FGL1: variants seen among roughly 807,000 people sequenced by gnomAD.
The protein encoded by FGL1 is fibrinogen-like protein 1.
FGL1 carries 59 observed loss-of-function variants against 43.7 expected under a neutral mutation model. The ratio of observed to expected loss-of-function variants is 1.35; its 90% confidence interval spans 1.10 to 1.68. FGL1 has a LOEUF of 1.68. Among genes scored for constraint, FGL1 ranks in the 40% most tolerant of loss-of-function variants. FGL1 has a pLI of 0.00. For synonymous variants in FGL1, 192 were observed against 126.5 expected (o/e 1.52, Z -3.48); for missense variants, 596 against 373.0 (o/e 1.60, Z -4.92).
chr8:17,885,294 C>A (rs902988500), intron 2 of FGL1, among the ~76,000 whole-genome samples, 198 bp downstream of exon 2: 1 of 152,076 alleles, frequency 6.6e-6, no homozygotes, highest in Non-Finnish European at 1.5e-5. Flanking sequence ...CCACCCATCT[C>A]GGCCTCCCCT....
intron 1 of FGL1, among the ~76,000 whole-genome samples, chr8:17,893,100 T>C (rs1193292047): frequency 6.6e-6 from 1 of 152,122 alleles, no homozygotes; most frequent in African/African-American, 2.4e-5. Context: ...ACTGTGTTGG[T>C]TGAGGCATGA....
chr8:17,877,144 A>T (rs542621360), intron 3 of FGL1, among the ~76,000 whole-genome samples: 11 of 152,214 alleles, frequency 7.2e-5, no homozygotes, highest in Non-Finnish European at 1.3e-4. Context: ...ATTTAAAACG[A>T]TGATTTTCAA....
At chr8:17,879,359 A>G (rs979117375) in intron 3 of FGL1, among the ~76,000 whole-genome samples, 3 of 152,054 alleles carry the variant, frequency 2.0e-5, no homozygotes, top group Admixed American at 6.6e-5. Context: ...AGCAGTGTCA[A>G]CACAAGGACT....
chr8:17,869,107 C>T, intron 5 of FGL1, 103 bp from the exon 6 acceptor site: 1 of 655,406 alleles, frequency 1.5e-6, no homozygotes, highest in African/African-American at 1.9e-5. Flanking sequence ...TTTACCATTT[C>T]CCTTGGCCAA....
At chr8:17,871,615 C>A (rs1401048818) in intron 5 of FGL1, among the ~76,000 whole-genome samples, 1 of 151,942 alleles carries the variant, frequency 6.6e-6, no homozygotes, top group Non-Finnish European at 1.5e-5. Flanking sequence ...ATTTCTAAAT[C>A]AATTTTATTG....
rs759301628 is a variant in FGL1, at chr8:17,864,751, C to A, written c.780G>T (p.Arg260Ser). ...CACCATTCAGGTTTGCAGAGTGACA[C>A]CTAGTGGAAGGGAGAAAAAAAAAGA... is the stretch of plus-strand genomic sequence containing the variant. ...EEDQSGWWFN[R>S]CHSANLNGVY... is the part of the protein sequence containing the mutation. The change falls in exon 8 of 8, where the codon AGG becomes AGT. Residue 260 changes from arginine (R) to serine (S), a missense_variant and splice_region_variant. Physicochemically the swap from Arg to Ser is moderately radical, Grantham distance 110. Transcript: ENST00000427924. 6.8e-7 allele frequency: 1 copy of A among 1,465,382 alleles called. No homozygotes were observed. The highest frequency in any genetic ancestry group is 9.1e-7 in the Non-Finnish European group (1 of 1,104,900). The allele number at this position is 1,465,382 out of a possible 1,614,324, so 90.8% of individuals were successfully genotyped here. A position where few individuals can be genotyped will look rare whatever the true frequency, so the allele number is the denominator to read the frequency against.
intron 3 of FGL1, among the ~76,000 whole-genome samples, chr8:17,878,835 C>T (rs551194590): frequency 3.2e-4 from 48 of 151,424 alleles, no homozygotes; most frequent in Non-Finnish European, 5.2e-4. Flanking sequence ...TAATTGTTTT[C>T]AATTTAAGGA....
chr8:17,888,366 G>A (rs530750843), intron 1 of FGL1, among the ~76,000 whole-genome samples: 1 of 152,136 alleles, frequency 6.6e-6, no homozygotes, highest in Admixed American at 6.6e-5. Flanking sequence ...ACTTTTCTAG[G>A]TCACATTTAT....
In FGL1 at chr8:17,886,802, GAGAGGAGAGA is replaced by G. The variant is rs1020487942; in HGVS notation, c.-17-1241_-17-1232del. ...GAGAAGAGAGGAGAGGAGAGGAGAG[GAGAGGAGAGA>G]AGAGAAGTAGGGGAATTGGCAAAGC... On this transcript the variant is annotated intron_variant, in intron 1 of 7. Transcript: ENST00000427924. Among the ~76,000 whole-genome samples, 19 of 110,686 alleles carry G rather than the reference GAGAGGAGAGA, an allele frequency of 1.7e-4. No homozygotes were observed. The South Asian group carries it at 3.0e-3, about 17-fold the overall frequency. The allele number at this position is 110,686 out of a possible 152,430, so 72.6% of individuals were successfully genotyped here.
chr8:17,871,258 T>C (rs2053355525), intron 5 of FGL1, among the ~76,000 whole-genome samples: 2 of 152,052 alleles, frequency 1.3e-5, no homozygotes, highest in Non-Finnish European at 2.9e-5. Flanking sequence ...TTTGGGAGGC[T>C]AAGGCACGCA....
At chr8:17,883,884 T>A (rs112065531) in intron 2 of FGL1, among the ~76,000 whole-genome samples, 2,645 of 150,378 alleles carry the variant, frequency 0.018, 37 homozygotes, top group Non-Finnish European at 0.027. Flanking sequence ...TTCTTTCTCC[T>A]CTTTTCTTTT....
chr8:17,868,631 C>G lies in FGL1; in HGVS notation c.696G>C (p.Met232Ile), dbSNP rs768362231. The G allele has an allele frequency of 6.2e-6, 10 of 1,614,012 alleles. No individual in the cohort carries two copies. The highest frequency in any genetic ancestry group is 8.5e-6 in the Non-Finnish European group (10 of 1,180,022). Residue 232 changes from methionine to isoleucine, a missense_variant, in exon 7 of 8, where the codon ATG (methionine) becomes ATC (isoleucine). Transcript: ENST00000427924. ...GATCTCTGTCCCACGTGCTGAATTT[C>G]ATTCTTTGGTGACTAGCCCACCACT... ...EVQWWASHQR[M>I]KFSTWDRDHD...
intron 2 of FGL1, among the ~76,000 whole-genome samples, chr8:17,884,665 G>C (rs992604678): frequency 6.6e-6 from 1 of 152,086 alleles, no homozygotes; most frequent in Non-Finnish European, 1.5e-5. Flanking sequence ...GTGGGGGATC[G>C]GTTGTGATAT....
At chr8:17,884,315 G>T (rs2053597113) in intron 2 of FGL1, among the ~76,000 whole-genome samples, 1 of 151,810 alleles carries the variant, frequency 6.6e-6, no homozygotes, top group Non-Finnish European at 1.5e-5. Context: ...CTTCATCCTG[G>T]CAAGTAGCTG....
intron 3 of FGL1, among the ~76,000 whole-genome samples, chr8:17,881,368 C>A (rs1368616013): frequency 6.6e-6 from 1 of 151,732 alleles, no homozygotes; most frequent in African/African-American, 2.4e-5. Context: ...ATCTCCTGAC[C>A]TTGTAATCCG....
intron 1 of FGL1, among the ~76,000 whole-genome samples, chr8:17,893,752 G>T (rs183550069): frequency 6.8e-6 from 1 of 146,980 alleles, no homozygotes; most frequent in East Asian, 1.9e-4. Flanking sequence ...AACATTCTCT[G>T]TAATATTGAA....
At chr8:17,870,127 CA>C (rs533070431) in intron 5 of FGL1, among the ~76,000 whole-genome samples, 1 of 150,738 alleles carries the variant, frequency 6.6e-6, no homozygotes, top group Non-Finnish European at 1.5e-5. Context: ...AACAAAAAAA[CA>C]AAAAAAAGAA....
At chr8:17,874,622 A>G in intron 3 of FGL1, 101 bp from the exon 4 acceptor site, 1 of 787,546 alleles carries the variant, frequency 1.3e-6, no homozygotes, top group Non-Finnish European at 2.0e-6. Context: ...CTGGAGACAG[A>G]TAACACATGG....
chr8:17,888,480 G>C (rs977642761), intron 1 of FGL1, among the ~76,000 whole-genome samples: 16 of 152,284 alleles, frequency 1.1e-4, no homozygotes, highest in South Asian at 6.2e-4. Flanking sequence ...CTTATTCCCA[G>C]ATGTCAAGAT....
Sources: allele counts gnomAD v4.1 joint callset (sites outside exome capture counted in the v4.1 genomes callset), GRCh38; gene constraint gnomAD v4.1.1; transcripts MANE v1.5; gene names NCBI Gene and HGNC (gene_info 2026-07-23, HGNC 2026-07-21).